FARP2: variants seen among roughly 807,000 people sequenced by gnomAD.
FARP2 encodes the protein FERM, ARH/RhoGEF and pleckstrin domain protein 2.
FARP2 carries 111 observed loss-of-function variants against 130.5 expected under a neutral mutation model. The observed-to-expected ratio is 0.85, with a 90% CI of 0.73 to 1.00. FARP2 has a LOEUF of 1.00. FARP2 is among the 50% of genes least tolerant of loss of function. The probability of loss-of-function intolerance (pLI) is 0.00; values close to 1 mark genes in which losing one functional copy is unlikely to be tolerated. For missense variants in FARP2, 1,385 were observed against 1,346.3 expected (o/e 1.03, Z -0.45); for synonymous variants, 504 against 516.9 (o/e 0.98, Z 0.34).
intron 24 of FARP2, 133 bp from the exon 25 acceptor site, chr2:241,492,796 A>T: frequency 3.2e-6 from 2 of 621,004 alleles, no homozygotes; most frequent in Middle Eastern, 6.3e-4. Flanking sequence ...GCTGCTGTTC[A>T]TAGCAGTCCA....
At chr2:241,464,508 C>T (rs1363099340) in intron 17 of FARP2, among the ~76,000 whole-genome samples, 2 of 97,266 alleles carry the variant, frequency 2.1e-5, no homozygotes, top group Non-Finnish European at 4.8e-5. Flanking sequence ...AGAACAGGTT[C>T]CTACTCAAAG....
chr2:241,434,041 A>C (rs2063157149), intron 9 of FARP2, 117 bp from the exon 10 acceptor site: 3 of 836,258 alleles, frequency 3.6e-6, no homozygotes, highest in Non-Finnish European at 5.6e-6. Flanking sequence ...TCTCAAAAAA[A>C]AACCTTACTG....
intron 2 of FARP2, among the ~76,000 whole-genome samples, chr2:241,389,002 G>A (rs1026239548): frequency 1.3e-5 from 2 of 152,098 alleles, no homozygotes; most frequent in Non-Finnish European, 2.9e-5. Context: ...GACATGAGGC[G>A]GGGTGAGGTG....
At chr2:241,465,746 TGAC>T (rs746755049) in intron 17 of FARP2, 4 of 1,550,716 alleles carry the variant, frequency 2.6e-6, no homozygotes, top group Non-Finnish European at 1.7e-6. Flanking sequence ...TGAGCCACAG[TGAC>T]GACGACGACT....
intron 20 of FARP2, 101 bp from the exon 21 acceptor site, chr2:241,484,141 A>C (rs2064695085): frequency 1.3e-6 from 2 of 1,555,512 alleles, no homozygotes; most frequent in Non-Finnish European, 1.7e-6. Flanking sequence ...CAAGCTGCAC[A>C]GATCTGATGT....
At chr2:241,381,317 G>C (rs1489952944) in intron 2 of FARP2, among the ~76,000 whole-genome samples, 1 of 152,062 alleles carries the variant, frequency 6.6e-6, no homozygotes, top group African/African-American at 2.4e-5. Context: ...CCTGCTGCTT[G>C]TTGTTGTATT....
At chr2:241,357,248 G>C (rs1029447416) in intron 1 of FARP2, among the ~76,000 whole-genome samples, 12 of 152,200 alleles carry the variant, frequency 7.9e-5, no homozygotes, top group African/African-American at 2.9e-4. Context: ...TTTTGTTTCC[G>C]TGGGATATTT....
At position 241,366,120 on chromosome 2, in the gene FARP2, T is replaced by TATATATAC. The variant is rs1238134390; in HGVS notation, c.-24-6963_-24-6962insTATATACA. 2.1e-3 allele frequency among the ~76,000 whole-genome samples: 92 copies of TATATATAC among 44,180 alleles called. 2 individuals carry two copies. Among genetic ancestry groups the TATATATAC allele is most frequent in the Middle Eastern group, 0.012 (1 of 86 alleles). 29.0% of individuals were successfully genotyped at this position (44,180 alleles called of 152,430 possible). ...AAAAAAAAAAATATATATATATATA[T>TATATATAC]ACGTATATATATATATATACACACA... On this transcript the variant is annotated intron_variant, in intron 1 of 26. Coordinates refer to ENST00000264042, the MANE Select transcript of FARP2 (RefSeq NM_014808.4).
chr2:241,476,152 C>T (rs923989724), intron 19 of FARP2, among the ~76,000 whole-genome samples, 165 bp downstream of exon 19: 2 of 149,098 alleles, frequency 1.3e-5, no homozygotes, highest in Admixed American at 6.8e-5. Context: ...GTGGGAGGAT[C>T]GCTTGAGCCC....
chr2:241,441,761 C>G (rs777730682), intron 13 of FARP2: 18 of 716,174 alleles, frequency 2.5e-5, no homozygotes, highest in South Asian at 1.6e-4. Context: ...CGTGGGGGGG[C>G]CCCTGCTTTC....
In FARP2 at chr2:241,402,297, A is replaced by G. The variant is rs143401688; in HGVS notation, c.184-1531A>G. 5.0e-3 allele frequency among the ~76,000 whole-genome samples: 761 copies of G among 152,336 alleles called. 6 individuals carry two copies. Among genetic ancestry groups the G allele is most frequent in the African/African-American group, 0.018 (729 of 41,584 alleles). On this transcript the variant is annotated intron_variant, in intron 2 of 26. Transcript: ENST00000264042. ...CTGTGAAAGTGGCTGTTTCTCACAG[A>G]CACACCAATATTGGCATCATCATTC...
At chr2:241,437,955 A>G (rs1171762964) in intron 12 of FARP2, among the ~76,000 whole-genome samples, 3 of 151,910 alleles carry the variant, frequency 2.0e-5, no homozygotes, top group Admixed American at 1.3e-4. Context: ...ATGAGCCACC[A>G]CGCCCAGCCG....
intron 8 of FARP2, among the ~76,000 whole-genome samples, chr2:241,430,837 C>G (rs61109375): frequency 6.6e-6 from 1 of 152,010 alleles, no homozygotes; most frequent in Non-Finnish European, 1.5e-5. Context: ...AACCCCATCT[C>G]TACTAAAAAT....
At chr2:241,367,384 C>G (rs1448598790) in intron 1 of FARP2, among the ~76,000 whole-genome samples, 1 of 152,154 alleles carries the variant, frequency 6.6e-6, no homozygotes, top group Non-Finnish European at 1.5e-5. Flanking sequence ...ACATTTTTCT[C>G]TGCTTCCTCA....
At chr2:241,460,460 A>C (rs1311945952) in intron 14 of FARP2, among the ~76,000 whole-genome samples, 1 of 140,416 alleles carries the variant, frequency 7.1e-6, no homozygotes, top group African/African-American at 2.7e-5. Context: ...TTTTTTTTTT[A>C]AGAGACAGGG....
chr2:241,409,576 A>G (rs1252353831), intron 5 of FARP2, among the ~76,000 whole-genome samples: 1 of 152,204 alleles, frequency 6.6e-6, no homozygotes, highest in East Asian at 1.9e-4. Flanking sequence ...AAAGATAAGT[A>G]AAAAGTAAAA....
chr2:241,441,931 C>T, intron 13 of FARP2: 1 of 372,842 alleles, frequency 2.7e-6, no homozygotes. Context: ...GGTGGCCCCT[C>T]CTTTGTGTGA....
intron 19 of FARP2, among the ~76,000 whole-genome samples, chr2:241,479,920 A>G (rs768729210): frequency 6.6e-6 from 1 of 152,104 alleles, no homozygotes; most frequent in South Asian, 2.1e-4. Flanking sequence ...CCACTCTCTC[A>G]TTTTCTTTGT....
In FARP2 at chr2:241,413,324, G is replaced by A. The variant is rs762780700; in HGVS notation, c.526G>A (p.Asp176Asn). 35 of 1,608,752 alleles carry A rather than the reference G, an allele frequency of 2.2e-5. No homozygotes were observed. In the South Asian group the frequency reaches 2.7e-4, roughly 12 times the overall value. Residue 176 changes from aspartate (D) to asparagine (N), a missense_variant, in exon 7 of 27, where the codon GAT becomes AAT. Coordinates refer to ENST00000264042, the MANE Select transcript of FARP2 (RefSeq NM_014808.4). The part of the protein sequence containing the change: ...HLLQSEIGDY[D>N]ETLDREHLKV... ...TATCTCAGCGGAAATAGGAGATTAC[G>A]ATGAAACGCTGGACCGAGAGCACCT...
Sources: allele counts gnomAD v4.1 joint callset (sites outside exome capture counted in the v4.1 genomes callset), GRCh38; gene constraint gnomAD v4.1.1; transcripts MANE v1.5; gene names NCBI Gene and HGNC (gene_info 2026-07-23, HGNC 2026-07-21).